LAMA3: variants seen among roughly 807,000 people sequenced by gnomAD.
LAMA3 encodes the protein laminin subunit alpha 3.
In LAMA3, 281 loss-of-function variants were observed where a neutral mutation model predicts 402.0. That is an observed-to-expected ratio of 0.70 (90% CI 0.63 to 0.77). The LOEUF is 0.77. LAMA3 is among the 30% of genes least tolerant of loss of function. LAMA3 has a pLI of 0.00. For synonymous variants in LAMA3, 1,431 were observed against 1,558.4 expected (o/e 0.92, Z 1.93); for missense variants, 3,840 against 4,215.5 (o/e 0.91, Z 2.47).
In LAMA3 at chr18:23,881,933, C is replaced by T. The variant is rs2064908649; in HGVS notation, c.5113-3C>T. 6.2e-7 allele frequency: 1 copy of T among 1,607,324 alleles called. No individual in the cohort carries two copies. The highest frequency in any genetic ancestry group is 1.3e-5 in the African/African-American group (1 of 74,778). ...GTGAATTGTGCTGTTCACCTGTCCC[C>T]AGAACTGTCAGCACAACACCGCGGG... On this transcript the variant is annotated splice_polypyrimidine_tract_variant and splice_region_variant and intron_variant, in intron 39 of 74. Transcript: ENST00000313654.
chr18:23,815,359 G>T, intron 16 of LAMA3, 109 bp from the exon 17 acceptor site: 1 of 1,359,414 alleles, frequency 7.4e-7, no homozygotes, highest in Non-Finnish European at 1.1e-6. Context: ...ATCCTTTCCA[G>T]ATCCTGGCTA....
At position 23,857,170 on chromosome 18, in the gene LAMA3, GGT is replaced by G. The variant is rs557103076; in HGVS notation, c.4137-669_4137-668del. Among the ~76,000 whole-genome samples, 635 of 152,284 alleles carry G rather than the reference GGT, an allele frequency of 4.2e-3. 3 individuals carry two copies. Among genetic ancestry groups the G allele is most frequent in the Admixed American group, 8.1e-3 (124 of 15,292 alleles). On this transcript the variant is annotated intron_variant, in intron 32 of 74. Transcript: ENST00000313654. Reference sequence around the variant, plus strand: ...GGGAAGTTAAAGAACTTGCTAAGATGGTGTGTCTCATATGGTCAGAGCTGGAT... The same window carrying G: ...GGGAAGTTAAAGAACTTGCTAAGATGGTGTCTCATATGGTCAGAGCTGGAT...
chr18:23,848,116 T>G (rs2063862338), intron 32 of LAMA3, among the ~76,000 whole-genome samples: 2 of 152,218 alleles, frequency 1.3e-5, no homozygotes, highest in African/African-American at 4.8e-5. Context: ...GGTCAATGTG[T>G]GACAGAGTCT....
rs112294830 is a variant in LAMA3, at chr18:23,709,737, C to G, written c.295-4183C>G. 392 of 494,308 alleles carry G rather than the reference C, an allele frequency of 7.9e-4. 4 individuals carry two copies. The highest frequency in any genetic ancestry group is 6.7e-3 in the African/African-American group (341 of 50,872). 30.6% of individuals were successfully genotyped at this position (494,308 alleles called of 1,614,324 possible). ...TTCCATCTGAGAAGTCCCATGGATT[C>G]TTTTCTCTTCTGCTCCACAAGTTTG... On this transcript the variant is annotated intron_variant, in intron 1 of 74. Coordinates refer to ENST00000313654, the MANE Select transcript of LAMA3 (RefSeq NM_198129.4).
intron 12 of LAMA3, among the ~76,000 whole-genome samples, chr18:23,805,120 G>A (rs149254356): frequency 2.0e-5 from 3 of 152,130 alleles, no homozygotes; most frequent in Admixed American, 1.3e-4. Flanking sequence ...TTTTACTAAA[G>A]GTGTGAAGGA....
chr18:23,835,965 G>A (rs2063572862), intron 24 of LAMA3, among the ~76,000 whole-genome samples: 1 of 152,172 alleles, frequency 6.6e-6, no homozygotes, highest in African/African-American at 2.4e-5. Context: ...ATGATCATTA[G>A]TGATTAGATC....
intron 19 of LAMA3, among the ~76,000 whole-genome samples, chr18:23,821,849 G>GCCAC (rs1444764206): frequency 3.9e-5 from 6 of 152,140 alleles, no homozygotes; most frequent in African/African-American, 1.2e-4. Flanking sequence ...GTCTCTCTTT[G>GCCAC]GTGGTGTGAA....
rs1225590056 is a variant in LAMA3, at chr18:23,820,016, G to A, written c.2304+19G>A. On this transcript the variant is annotated intron_variant, in intron 19 of 74. Coordinates refer to ENST00000313654, the MANE Select transcript of LAMA3 (RefSeq NM_198129.4). ...AGTACAGGTACGCAACCCGAAGAGA[G>A]CAGCTTCATGGCTGAGTAGCTCAGA... The A allele has an allele frequency of 1.2e-6, 2 of 1,613,784 alleles. No homozygotes were observed. Among genetic ancestry groups the A allele is most frequent in the South Asian group, 2.2e-5 (2 of 91,066 alleles).
Position 23,713,971 on chromosome 18 carries a change from G to A in LAMA3, c.346G>A (p.Val116Ile), listed in dbSNP as rs376300620. ...NSEDPRKAHP[V>I]TNAIDGSERW... is the part of the protein sequence containing the mutation. ...TGAAGACCCCAGGAAAGCACATCCT[G>A]TCACCAATGCCATCGATGGATCTGA... is the stretch of plus-strand genomic sequence containing the variant. Residue 116 changes from valine to isoleucine, a missense_variant, in exon 2 of 75, where the codon GTC (valine) becomes ATC (isoleucine). Coordinates refer to ENST00000313654, the MANE Select transcript of LAMA3 (RefSeq NM_198129.4). The A allele has an allele frequency of 5.0e-6, 8 of 1,613,120 alleles. No homozygotes were observed. The African/African-American group carries it at 9.4e-5, about 19-fold the overall frequency.
chr18:23,754,319 A>C (rs1181544599), intron 6 of LAMA3, among the ~76,000 whole-genome samples: 2 of 152,170 alleles, frequency 1.3e-5, no homozygotes, highest in Admixed American at 6.5e-5. Flanking sequence ...ATACCCGTTA[A>C]ACAACTCCTT....
At chr18:23,706,894 C>T (rs945625190) in intron 1 of LAMA3, among the ~76,000 whole-genome samples, 2 of 152,122 alleles carry the variant, frequency 1.3e-5, no homozygotes, top group African/African-American at 4.8e-5. Flanking sequence ...GCCTGACCAA[C>T]ATGGAGAAAC....
At chr18:23,851,471 T>C (rs749403369) in intron 32 of LAMA3, among the ~76,000 whole-genome samples, 5 of 152,222 alleles carry the variant, frequency 3.3e-5, no homozygotes, top group African/African-American at 7.2e-5. Flanking sequence ...CTCTGGGCCT[T>C]AGGTCTTCAT....
chr18:23,746,050 T>C (rs2061646831), intron 2 of LAMA3, among the ~76,000 whole-genome samples: 1 of 152,230 alleles, frequency 6.6e-6, no homozygotes, highest in African/African-American at 2.4e-5. Flanking sequence ...CTTTGGAAAT[T>C]GTTACACCTA....
At chr18:23,916,362 C>A (rs1418446355) in intron 59 of LAMA3, among the ~76,000 whole-genome samples, 189 bp from the exon 60 acceptor site, 1 of 152,164 alleles carries the variant, frequency 6.6e-6, no homozygotes, top group Non-Finnish European at 1.5e-5. Context: ...AGTATGAGAG[C>A]ACATCCAGGA....
At chr18:23,776,492 CTGTT>C (rs1306458984) in intron 10 of LAMA3, among the ~76,000 whole-genome samples, 1 of 152,162 alleles carries the variant, frequency 6.6e-6, no homozygotes, top group Non-Finnish European at 1.5e-5. Flanking sequence ...AGTGTTGGCT[CTGTT>C]TGTTGTGCAG....
At position 23,893,975 on chromosome 18, in the gene LAMA3, G is replaced by A. The variant is rs112745245; in HGVS notation, c.5411-323G>A. ...GCCCTTTATAGAGTTGACCTTTGTAGTGAAGGAATTGAATATATAACAGGG... is the reference window on the plus strand; with the variant it reads ...GCCCTTTATAGAGTTGACCTTTGTAATGAAGGAATTGAATATATAACAGGG... On this transcript the variant is annotated intron_variant, in intron 42 of 74. Transcript: ENST00000313654. Among the ~76,000 whole-genome samples the A allele has an allele frequency of 7.9e-4, 120 of 152,266 alleles. 1 individual carries two copies. The highest frequency in any genetic ancestry group is 2.6e-3 in the African/African-American group (110 of 41,550).
rs1054113078 is a variant in LAMA3 at position 23,689,653 on chromosome 18, C to T, written c.-31C>T. On this transcript the variant is annotated 5_prime_UTR_variant, in exon 1 of 75. The change creates a new upstream start codon in the 5' untranslated region. Transcript: ENST00000313654. ...CGGTGCCCCCGAGCCCCTCTGCGGA[C>T]GGCTCAGGCGGGAGGACCCCGCGCG... 15 of 1,262,244 alleles carry T rather than the reference C, an allele frequency of 1.2e-5. No individual in the cohort carries two copies. The highest frequency in any genetic ancestry group is 1.5e-5 in the Non-Finnish European group (15 of 1,006,992). 78.2% of individuals were successfully genotyped at this position (1,262,244 alleles called of 1,614,324 possible). A position where few individuals can be genotyped will look rare whatever the true frequency, so the allele number is the denominator to read the frequency against.
intron 60 of LAMA3, 73 bp from the exon 61 acceptor site, chr18:23,920,862 T>C: frequency 6.3e-7 from 1 of 1,585,340 alleles, no homozygotes; most frequent in Non-Finnish European, 8.6e-7. Context: ...TCTGTGAGAG[T>C]AACGGGAGTT....
At chr18:23,807,710 T>C (rs556263092) in intron 12 of LAMA3, among the ~76,000 whole-genome samples, 26 of 152,296 alleles carry the variant, frequency 1.7e-4, no homozygotes, top group African/African-American at 6.0e-4. Flanking sequence ...CTTCACCTGA[T>C]TGGATGAGGA....
Sources: allele counts gnomAD v4.1 joint callset (sites outside exome capture counted in the v4.1 genomes callset), GRCh38; gene constraint gnomAD v4.1.1; transcripts MANE v1.5; gene names NCBI Gene and HGNC (gene_info 2026-07-23, HGNC 2026-07-21).